The following NSUN3 variants were observed in gnomAD, a reference collection of about 807,000 sequenced individuals.
NSUN3 encodes the protein NOP2/Sun RNA methyltransferase 3, also known as tRNA (cytosine(34)-C(5))-methyltransferase, mitochondrial.
Under a neutral mutation model 36.8 loss-of-function variants are expected in NSUN3, and 24 were observed. That is an observed-to-expected ratio of 0.65 (90% CI 0.47 to 0.92). The LOEUF (loss-of-function observed/expected upper bound fraction) is 0.92, where lower values mean the gene tolerates loss of function less well. NSUN3 is among the 40% of genes least tolerant of loss of function. The pLI, the probability that NSUN3 is intolerant of heterozygous loss-of-function variation, is 0.00. For missense variants in NSUN3, 381 were observed against 392.8 expected, an observed-to-expected ratio of 0.97 and a Z score of 0.25; for synonymous variants, 146 against 145.2, an observed-to-expected ratio of 1.01 and a Z score of -0.04.
chr3:94,077,395 T>C (rs1051228576), intron 2 of NSUN3, among the ~76,000 whole-genome samples: 1 of 152,222 alleles, frequency 6.6e-6, no homozygotes, highest in African/African-American at 2.4e-5. Context: ...GGCCTGAAAT[T>C]TAATTTTTTT....
rs2077492858 is a variant in NSUN3, at chr3:94,127,666, T to A, written c.*1176T>A. The stretch of plus-strand genomic sequence containing the variant: ...ATGCAGCACATCTCAAAAAATAGCA[T>A]CTCTTTGGAAAATAGCCTTTAAAAA... On this transcript the variant is annotated 3_prime_UTR_variant, in exon 6 of 6. Coordinates refer to ENST00000314622, the MANE Select transcript of NSUN3 (RefSeq NM_022072.5). The A allele has an allele frequency of 6.6e-6, 1 of 152,076 alleles. No homozygotes were observed. Among genetic ancestry groups the A allele is most frequent in the South Asian group, 2.1e-4 (1 of 4,816 alleles). 9.4% of individuals were successfully genotyped at this position (152,076 alleles called of 1,614,324 possible).
chr3:94,107,025 C>T (rs190692267), intron 5 of NSUN3, among the ~76,000 whole-genome samples: 99 of 152,074 alleles, frequency 6.5e-4, no homozygotes, highest in African/African-American at 2.2e-3. Flanking sequence ...TCACTGCAAC[C>T]GCCACCTCCC....
At chr3:94,108,090 AT>A (rs2077398247) in intron 5 of NSUN3, among the ~76,000 whole-genome samples, 1 of 150,880 alleles carries the variant, frequency 6.6e-6, no homozygotes, top group Non-Finnish European at 1.5e-5. Flanking sequence ...TTTTGATAAA[AT>A]TTTTATTTTG....
chr3:94,125,717 G>C (rs1560043359), intron 5 of NSUN3, among the ~76,000 whole-genome samples: 1 of 152,126 alleles, frequency 6.6e-6, no homozygotes, highest in Non-Finnish European at 1.5e-5. Flanking sequence ...ATGTTGATTG[G>C]TCTGATTATC....
At chr3:94,073,275 G>A (rs191493266) in intron 2 of NSUN3, among the ~76,000 whole-genome samples, 2 of 152,150 alleles carry the variant, frequency 1.3e-5, no homozygotes, top group Non-Finnish European at 2.9e-5. Flanking sequence ...GTGTGCATGT[G>A]TCCTTATAGT....
chr3:94,068,912 C>T (rs2077215271), intron 2 of NSUN3, among the ~76,000 whole-genome samples: 1 of 152,084 alleles, frequency 6.6e-6, no homozygotes, highest in Non-Finnish European at 1.5e-5. Context: ...CTATATTGTC[C>T]TATATGTTGG....
At chr3:94,080,160 C>G (rs1407827243) in intron 2 of NSUN3, among the ~76,000 whole-genome samples, 1 of 152,166 alleles carries the variant, frequency 6.6e-6, no homozygotes, top group Non-Finnish European at 1.5e-5. Context: ...TTCCTTCTAA[C>G]AGTTGGGCCC....
rs978766435 is a variant in NSUN3, at chr3:94,128,293, A to G, written c.*1803A>G. 6.6e-6 allele frequency: 1 copy of G among 152,138 alleles called. No individual in the cohort carries two copies. Among genetic ancestry groups the G allele is most frequent in the Non-Finnish European group, 1.5e-5 (1 of 68,022 alleles). 9.4% of individuals were successfully genotyped at this position (152,138 alleles called of 1,614,324 possible). On this transcript the variant is annotated 3_prime_UTR_variant, in exon 6 of 6. Transcript: ENST00000314622. ...CTAGAACTGTTGGACCAAATCAAGT[A>G]TATGGGTAAATACAGAAGAATAATG...
chr3:94,118,866 A>C (rs1297044103), intron 5 of NSUN3, among the ~76,000 whole-genome samples: 1 of 151,958 alleles, frequency 6.6e-6, no homozygotes, highest in Non-Finnish European at 1.5e-5. Flanking sequence ...TCTAATCTCT[A>C]AATGTTTTGC....
chr3:94,077,281 G>A, intron 2 of NSUN3: 3 of 531,176 alleles, frequency 5.6e-6, no homozygotes, highest in Admixed American at 3.1e-5. Flanking sequence ...TGCATCCCAG[G>A]TATGAAGTTG....
Position 94,127,688 on chromosome 3 carries a change from A to G in NSUN3, c.*1198A>G, listed in dbSNP as rs2077493031. 6.6e-6 allele frequency: 1 copy of G among 152,042 alleles called. No homozygotes were observed. Among genetic ancestry groups the G allele is most frequent in the African/African-American group, 2.4e-5 (1 of 41,348 alleles). 9.4% of individuals were successfully genotyped at this position (152,042 alleles called of 1,614,324 possible). ...GCATCTCTTTGGAAAATAGCCTTTA[A>G]AAAAAAACAACTTTATCTGATTATA... On this transcript the variant is annotated 3_prime_UTR_variant, in exon 6 of 6. Coordinates refer to ENST00000314622, the MANE Select transcript of NSUN3 (RefSeq NM_022072.5).
At position 94,129,446 on chromosome 3, in the gene NSUN3, G is replaced by C. The variant is rs780107028; in HGVS notation, c.*2956G>C. Among the ~76,000 whole-genome samples the C allele has an allele frequency of 6.6e-6, 1 of 152,032 alleles. No homozygotes were observed. Among genetic ancestry groups the C allele is most frequent in the East Asian group, 1.9e-4 (1 of 5,186 alleles). ...CACTTACAAATGGGAGCTAAATATCGAGTACACATGGACATAAAGGAACAA... is the reference window on the plus strand; with the variant it reads ...CACTTACAAATGGGAGCTAAATATCCAGTACACATGGACATAAAGGAACAA... On this transcript the variant is annotated 3_prime_UTR_variant, in exon 6 of 6. Transcript: ENST00000314622.
rs541583542 is a variant in NSUN3 at position 94,119,498 on chromosome 3, A to G, written c.744-6713A>G. Among the ~76,000 whole-genome samples the G allele has an allele frequency of 3.3e-5, 5 of 152,270 alleles. No homozygotes were observed. In the East Asian group the frequency reaches 9.7e-4, roughly 29 times the overall value. On this transcript the variant is annotated intron_variant, in intron 5 of 5. Transcript: ENST00000314622. ...GTTCCACCTCAGATCATCAGGCATT[A>G]GTTAGATTCCGGAGCTCAGGTGGTA...
chr3:94,074,300 A>T (rs573235481), intron 2 of NSUN3, among the ~76,000 whole-genome samples: 2 of 152,146 alleles, frequency 1.3e-5, no homozygotes, highest in Non-Finnish European at 2.9e-5. Context: ...TTTTGATTCC[A>T]TATGAAGTTT....
In NSUN3 at chr3:94,097,521, C is replaced by A. The variant is rs551276796; in HGVS notation, c.743+2367C>A. Among the ~76,000 whole-genome samples, 4 of 152,112 alleles carry A rather than the reference C, an allele frequency of 2.6e-5. No homozygotes were observed. In the South Asian group the frequency reaches 6.2e-4, roughly 24 times the overall value. ...TTTACATTGTTTGTTTGTTTGTTTA[C>A]TTTTATAAACCATTCTTTAATTTGT... On this transcript the variant is annotated intron_variant, in intron 5 of 5. Coordinates refer to ENST00000314622, the MANE Select transcript of NSUN3 (RefSeq NM_022072.5).
chr3:94,077,670 G>A (rs1278969476), intron 2 of NSUN3, among the ~76,000 whole-genome samples: 3 of 152,130 alleles, frequency 2.0e-5, no homozygotes, highest in Non-Finnish European at 2.9e-5. Flanking sequence ...GACTTGGGAG[G>A]TTGTATGTGT....
chr3:94,070,703 G>A (rs554014899), intron 2 of NSUN3, among the ~76,000 whole-genome samples: 113 of 152,232 alleles, frequency 7.4e-4, no homozygotes, highest in African/African-American at 2.7e-3. Context: ...TTCACAAAAA[G>A]AAAGGCACAC....
intron 2 of NSUN3, chr3:94,076,915 G>A: frequency 1.6e-6 from 2 of 1,257,796 alleles, no homozygotes. Context: ...CATCATTAGG[G>A]AGTTGCACAC....
At chr3:94,077,089 G>A (rs1456637354) in intron 2 of NSUN3, 1 of 781,814 alleles carries the variant, frequency 1.3e-6, no homozygotes, top group Non-Finnish European at 2.4e-6. Flanking sequence ...ATAAAGAAAA[G>A]GGGTGTTCTT....
Sources: allele counts gnomAD v4.1 joint callset (sites outside exome capture counted in the v4.1 genomes callset), GRCh38; gene constraint gnomAD v4.1.1; transcripts MANE v1.5; gene names NCBI Gene and HGNC (gene_info 2026-07-23, HGNC 2026-07-21).